Variants in SLC20A2 observed in about 807,000 individuals in gnomAD.
SLC20A2 encodes the protein solute carrier family 20 member 2, also known as sodium-dependent phosphate transporter 2.
In SLC20A2, 30 loss-of-function variants were observed where a neutral mutation model predicts 61.0. That is an observed-to-expected ratio of 0.49 (90% CI 0.37 to 0.67). The LOEUF (loss-of-function observed/expected upper bound fraction) is 0.67. Among genes scored for constraint, SLC20A2 ranks in the 30% least tolerant of loss-of-function variants. The probability of loss-of-function intolerance (pLI) is 0.00; values close to 1 mark genes in which losing one functional copy is unlikely to be tolerated. For missense variants in SLC20A2, 626 were observed against 866.4 expected (o/e 0.72, Z 3.48); for synonymous variants, 351 against 353.3 (o/e 0.99, Z 0.07).
chr8:42,455,295 G>A (rs1002351474), intron 5 of SLC20A2, among the ~76,000 whole-genome samples: 2 of 141,266 alleles, frequency 1.4e-5, no homozygotes, highest in Non-Finnish European at 3.1e-5. Flanking sequence ...GAGAGAGAGC[G>A]TGCGCATGCA....
intron 1 of SLC20A2, among the ~76,000 whole-genome samples, chr8:42,480,991 T>G (rs896513614): frequency 2.6e-4 from 39 of 152,250 alleles, no homozygotes; most frequent in Non-Finnish European, 5.6e-4. Flanking sequence ...AAAGGGCCCA[T>G]GCTCAGTCAC....
In SLC20A2 at chr8:42,472,085, G is replaced by C. The variant is rs1310553217; in HGVS notation, c.289+17C>G. On this transcript the variant is annotated intron_variant, in intron 2 of 10. Coordinates refer to ENST00000520262, the MANE Select transcript of SLC20A2 (RefSeq NM_001257180.2). This position sits in a 1 kb window ranked among gnomAD's most constrained non-coding sequence, Gnocchi z 4.1. ...AGTGGGCGGATGTCCCATCGGTATA[G>C]AGAAGAGGCTACTCACCAACCATGG... 1.2e-6 allele frequency: 2 copies of C among 1,610,908 alleles called. No homozygotes were observed. The highest frequency in any genetic ancestry group is 1.7e-6 in the Non-Finnish European group (2 of 1,178,704).
intron 8 of SLC20A2, 53 bp downstream of exon 8, chr8:42,436,936 C>T: frequency 6.7e-7 from 1 of 1,498,750 alleles, no homozygotes; most frequent in Admixed American, 2.0e-5. Context: ...ACAGCGCTGG[C>T]CCCTGGCGGA....
At chr8:42,538,092 T>C (rs1247875081) in intron 1 of SLC20A2, 1 of 152,146 alleles carries the variant, frequency 6.6e-6, no homozygotes, top group Non-Finnish European at 1.5e-5. Flanking sequence ...CAAATTCTAG[T>C]ACTGTTTCAC....
At chr8:42,513,467 T>C (rs1159917904) in intron 1 of SLC20A2, among the ~76,000 whole-genome samples, 8 of 152,236 alleles carry the variant, frequency 5.3e-5, no homozygotes, top group Admixed American at 2.6e-4. Context: ...TCCTAGATGA[T>C]AAACTTCATA....
chr8:42,443,306 T>TATAC (rs1804946336), intron 6 of SLC20A2, among the ~76,000 whole-genome samples: 4 of 110,742 alleles, frequency 3.6e-5, no homozygotes, highest in Non-Finnish European at 7.5e-5. Flanking sequence ...TATATATATA[T>TATAC]ATAATAAAAT....
At chr8:42,433,428 AT>A (rs1462871983) in intron 8 of SLC20A2, among the ~76,000 whole-genome samples, 2 of 152,100 alleles carry the variant, frequency 1.3e-5, no homozygotes, top group Non-Finnish European at 2.9e-5. Context: ...GGTTCAAGCA[AT>A]TCTCCTGCCT....
At chr8:42,424,985 G>T (rs186274633) in intron 10 of SLC20A2, among the ~76,000 whole-genome samples, 2 of 152,240 alleles carry the variant, frequency 1.3e-5, no homozygotes, top group South Asian at 4.1e-4. Flanking sequence ...GGCGGAGGTC[G>T]CAGTGAGCCA....
intron 1 of SLC20A2, chr8:42,538,074 T>C (rs959252044): frequency 5.9e-5 from 9 of 152,100 alleles, no homozygotes; most frequent in Admixed American, 1.3e-4. Flanking sequence ...TTAACTCTTA[T>C]TTAGCTCCAA....
At chr8:42,468,792 G>A (rs747337818) in intron 2 of SLC20A2, among the ~76,000 whole-genome samples, 9 of 152,168 alleles carry the variant, frequency 5.9e-5, no homozygotes, top group Non-Finnish European at 8.8e-5. Flanking sequence ...CTGGAAGGGG[G>A]CTGTGTGCTT....
chr8:42,531,029 C>T (rs552945823), intron 1 of SLC20A2, among the ~76,000 whole-genome samples: 7 of 152,134 alleles, frequency 4.6e-5, no homozygotes, highest in Admixed American at 2.0e-4. Flanking sequence ...CAGACTCTCC[C>T]TATTAATCAG....
intron 6 of SLC20A2, among the ~76,000 whole-genome samples, chr8:42,444,391 C>T (rs917967531): frequency 1.8e-4 from 27 of 152,162 alleles, no homozygotes; most frequent in Non-Finnish European, 3.7e-4. Context: ...TTTCCACAGG[C>T]TGGCAGAACT....
chr8:42,535,784 T>C (rs567431168), intron 1 of SLC20A2, among the ~76,000 whole-genome samples: 1 of 152,362 alleles, frequency 6.6e-6, no homozygotes, highest in Non-Finnish European at 1.5e-5. Context: ...AATACTGATG[T>C]CCGGGGCCTG....
chr8:42,526,426 G>A (rs540745821), intron 1 of SLC20A2, among the ~76,000 whole-genome samples: 1 of 151,554 alleles, frequency 6.6e-6, no homozygotes, highest in Non-Finnish European at 1.5e-5. Flanking sequence ...GTAATCCCAG[G>A]ACTTTGGGAG....
At chr8:42,474,206 A>G (rs1807879701) in intron 1 of SLC20A2, among the ~76,000 whole-genome samples, 2 of 152,226 alleles carry the variant, frequency 1.3e-5, no homozygotes, top group Admixed American at 6.5e-5. Context: ...GCATAAAAAT[A>G]CCCAGGGGTA....
At chr8:42,418,903 C>T (rs576897550) in intron 10 of SLC20A2, among the ~76,000 whole-genome samples, 3 of 146,288 alleles carry the variant, frequency 2.1e-5, no homozygotes, top group South Asian at 2.3e-4. Context: ...GAGGCTGAGG[C>T]GGGAGAATGG....
chr8:42,438,652 TC>T (rs2131017553), intron 7 of SLC20A2, among the ~76,000 whole-genome samples: 1 of 152,290 alleles, frequency 6.6e-6, no homozygotes, highest in South Asian at 2.1e-4. Context: ...GAAGCTGTGC[TC>T]CCCTGGCACT....
intron 1 of SLC20A2, among the ~76,000 whole-genome samples, chr8:42,527,103 CAA>C (rs754342907): frequency 5.0e-4 from 57 of 114,436 alleles, no homozygotes; most frequent in Admixed American, 5.4e-4. Flanking sequence ...GAGCCTGTCT[CAA>C]AAAAAAAAAA....
chr8:42,444,825 C>T (rs1487117637), intron 5 of SLC20A2, 63 bp from the exon 6 acceptor site: 8 of 1,172,756 alleles, frequency 6.8e-6, no homozygotes, highest in African/African-American at 4.6e-5. Context: ...GGCCTCAGGG[C>T]GGTGGACTTC....
Sources: gnomAD v4.1 joint callset for allele counts (sites outside exome capture counted in the v4.1 genomes callset) on GRCh38, gnomAD v4.1.1 for gene constraint, Gnocchi (gnomAD v3.1) non-coding constraint, MANE v1.5 for transcripts, NCBI Gene and HGNC (gene_info 2026-07-23, HGNC 2026-07-21) for gene names.